F8: variants seen among roughly 807,000 people sequenced by gnomAD.
The protein encoded by F8 is antihemophilic factor.
Under a neutral mutation model 140.6 loss-of-function variants are expected in F8, and 12 were observed. The ratio of observed to expected loss-of-function variants is 0.09; its 90% CI spans 0.05 to 0.14. The LOEUF is 0.14. Ranked by LOEUF, F8 falls within the 10% of genes least tolerant of loss-of-function variation. The probability of loss-of-function intolerance (pLI) is 1.00; values close to 1 mark genes in which losing one functional copy is unlikely to be tolerated. For synonymous variants in F8, 585 were observed against 614.6 expected (o/e 0.95, Z 0.71); for missense variants, 1,354 against 1,720.7 (o/e 0.79, Z 3.77).
intron 13 of F8, among the ~76,000 whole-genome samples, chrX:154,937,102 G>C (rs1423703723): frequency 9.0e-6 from 1 of 111,313 alleles, no homozygotes; most frequent in African/African-American, 3.3e-5. Flanking sequence ...TGCTTTGTAT[G>C]AACTTTTAAA....
intron 22 of F8, among the ~76,000 whole-genome samples, chrX:154,866,331 GATC>G (rs2072731305): frequency 9.0e-6 from 1 of 111,526 alleles, no homozygotes. Flanking sequence ...ATAATGAATA[GATC>G]ATCCCAACAG....
At chrX:154,948,059 T>C (rs1280014907) in intron 12 of F8, 152 bp from the exon 13 acceptor site, 11 of 516,144 alleles carry the variant, frequency 2.1e-5, no homozygotes, top group Non-Finnish European at 3.7e-5. Context: ...AAGTAGATTG[T>C]TAATAATCAG....
intron 6 of F8, 129 bp downstream of exon 6, chrX:154,984,558 A>G: frequency 1.8e-6 from 1 of 565,893 alleles, no homozygotes; most frequent in Non-Finnish European, 3.1e-6. Flanking sequence ...AGATCCCCAG[A>G]GGCCAGAGAT....
chrX:155,014,045 G>C (rs1202983957), intron 1 of F8, among the ~76,000 whole-genome samples: 6 of 111,158 alleles, frequency 5.4e-5, no homozygotes, highest in Non-Finnish European at 1.1e-4. Flanking sequence ...GGGAGGTGGA[G>C]ACAATTCAGT....
chrX:154,903,793 A>G, intron 18 of F8, 113 bp downstream of exon 18: 1 of 609,109 alleles, frequency 1.6e-6, no homozygotes, highest in Non-Finnish European at 2.7e-6. Context: ...ATTACTTAAG[A>G]GCATGGAGCT....
chrX:154,947,224 G>GAAAAAAAAAAAAAAA (rs781928603), intron 13 of F8, among the ~76,000 whole-genome samples: 26 of 17,823 alleles, frequency 1.5e-3, no homozygotes, highest in Admixed American at 2.9e-3. Flanking sequence ...GACTCCGTCT[G>GAAAAAAAAAAAAAAA]AAAAAAAAAA....
At chrX:154,915,801 G>A (rs781938641) in intron 14 of F8, among the ~76,000 whole-genome samples, 1 of 111,384 alleles carries the variant, frequency 9.0e-6, no homozygotes, top group Non-Finnish European at 1.9e-5. Flanking sequence ...TAATTTGAAG[G>A]CCCTTTGCTT....
At chrX:154,875,452 T>C (rs1467722322) in intron 22 of F8, among the ~76,000 whole-genome samples, 1 of 112,070 alleles carries the variant, frequency 8.9e-6, no homozygotes, top group Non-Finnish European at 1.9e-5. Context: ...GTATCAAACA[T>C]CATATATGAA....
chrX:154,931,759 G>A, intron 13 of F8, 83 bp from the exon 14 acceptor site: 3 of 841,295 alleles, frequency 3.6e-6, no homozygotes, highest in Admixed American at 5.0e-5. Flanking sequence ...CCCATTCCCA[G>A]ATAAATGAAA....
chrX:155,016,252 T>C (rs1557287011), intron 1 of F8, among the ~76,000 whole-genome samples: 1 of 109,973 alleles, frequency 9.1e-6, no homozygotes, highest in East Asian at 2.8e-4. Flanking sequence ...AAAAGTATAG[T>C]GAGATACCAC....
intron 6 of F8, 145 bp from the exon 7 acceptor site, chrX:154,969,697 A>G (rs1450917998): frequency 3.9e-6 from 2 of 507,804 alleles, no homozygotes; most frequent in African/African-American, 4.7e-5. Flanking sequence ...ACATTGGGCT[A>G]CTATCAAACC....
In F8 at chrX:154,931,615, C is replaced by T; in HGVS notation, c.2175G>A (p.Leu725=). Residue 725 remains leucine (L), a synonymous_variant, in exon 14 of 26, where the codon CTG becomes CTA. Transcript: ENST00000360256. The part of the protein sequence containing the change: ...DFRNRGMTAL[L]KVSSCDKNTG... ...TGTTCTTGTCACAACTAGAAACCTTCAGTAAGGCGGTCATGCCTCTGTTCC... is the reference window on the plus strand; with the variant it reads ...TGTTCTTGTCACAACTAGAAACCTTTAGTAAGGCGGTCATGCCTCTGTTCC... 8.3e-7 allele frequency: 1 copy of T among 1,211,681 alleles called. No individual in the cohort carries two copies. Among genetic ancestry groups the T allele is most frequent in the South Asian group, 1.8e-5 (1 of 56,985 alleles).
At chrX:154,854,616 G>GTGTA (rs1338851297) in intron 25 of F8, among the ~76,000 whole-genome samples, 2 of 110,392 alleles carry the variant, frequency 1.8e-5, no homozygotes, top group Admixed American at 1.9e-4. Flanking sequence ...GTGTGTGTGT[G>GTGTA]TGTATGTATC....
intron 13 of F8, among the ~76,000 whole-genome samples, chrX:154,932,901 A>G (rs1557278945): frequency 9.0e-6 from 1 of 111,112 alleles, no homozygotes; most frequent in Non-Finnish European, 1.9e-5. Flanking sequence ...TATATGATGG[A>G]ACTCTTGAAA....
At chrX:154,910,380 T>G (rs1434173430) in intron 14 of F8, among the ~76,000 whole-genome samples, 1 of 95,445 alleles carries the variant, frequency 1.0e-5, no homozygotes, top group African/African-American at 3.9e-5. Context: ...ATGAGAACAC[T>G]TGGACACAGG....
intron 6 of F8, among the ~76,000 whole-genome samples, chrX:154,972,225 G>A (rs1000256712): frequency 3.6e-5 from 4 of 111,785 alleles, no homozygotes; most frequent in Admixed American, 9.5e-5. Flanking sequence ...TCTAACAGGG[G>A]TAAGTGATAT....
At chrX:154,878,662 A>G (rs1416001247) in intron 22 of F8, among the ~76,000 whole-genome samples, 3 of 111,570 alleles carry the variant, frequency 2.7e-5, no homozygotes, top group Non-Finnish European at 5.6e-5. Context: ...AAGAAATAAA[A>G]GGCATCCAAA....
rs142366145 is a variant in F8, at chrX:154,929,914, C to T, written c.3876G>A (p.Glu1292=). 1.8e-5 allele frequency: 22 copies of T among 1,209,467 alleles called. No homozygotes were observed. The African/African-American group carries it at 2.8e-4, about 15-fold the overall frequency. The change falls in exon 14 of 26, where the codon GAG becomes GAA. Residue 1292 remains glutamate (E), a synonymous_variant. Coordinates refer to ENST00000360256, the MANE Select transcript of F8 (RefSeq NM_000132.4). ...KHTAHFSKKG[E]EENLEGLGNQ... ...TTCCCAAGCCTTCCAAGTTTTCTTC[C>T]TCCCCTTTTTTTGAGAAATGAGCTG...
intron 6 of F8, among the ~76,000 whole-genome samples, chrX:154,981,362 C>G (rs2073519559): frequency 1.8e-5 from 2 of 109,111 alleles, no homozygotes; most frequent in Non-Finnish European, 3.8e-5. Context: ...GAGTCCTATT[C>G]CACCACTTTG....
Sources: gnomAD v4.1 joint callset for allele counts (sites outside exome capture counted in the v4.1 genomes callset) on GRCh38, gnomAD v4.1.1 for gene constraint, MANE v1.5 for transcripts, NCBI Gene and HGNC (gene_info 2026-07-23, HGNC 2026-07-21) for gene names.